ELOA: variants seen among roughly 807,000 people sequenced by gnomAD.
ELOA encodes elongin A.
A neutral mutation model predicts 85.2 loss-of-function variants in ELOA; 15 were observed. The ratio of observed to expected loss-of-function variants is 0.18; its 90% CI spans 0.12 to 0.27. ELOA has a LOEUF of 0.27. Ranked by LOEUF, ELOA falls within the 10% of genes least tolerant of loss-of-function variation. The pLI, the probability that ELOA is intolerant of heterozygous loss-of-function variation, is 1.00. For synonymous variants in ELOA, 348 were observed against 357.2 expected, an observed-to-expected ratio of 0.97 and a Z score of 0.29; for missense variants, 769 against 952.7, an observed-to-expected ratio of 0.81 and a Z score of 2.54.
chr1:23,756,689 A>G (rs1308658030), intron 9 of ELOA, among the ~76,000 whole-genome samples: 1 of 152,246 alleles, frequency 6.6e-6, no homozygotes, highest in Non-Finnish European at 1.5e-5. Flanking sequence ...CATTTCTGCA[A>G]TGATTGTTAT....
chr1:23,761,967 T>C lies in ELOA; in HGVS notation c.*2394T>C, dbSNP rs1006905037. On this transcript the variant is annotated 3_prime_UTR_variant, in exon 11 of 11. Transcript: ENST00000613537. Reference sequence around the variant, plus strand: ...CAAAATGTAAATACAATTTTCTATGTTACTTTTTTGTGGTAACTACCGAGA... The same window carrying C: ...CAAAATGTAAATACAATTTTCTATGCTACTTTTTTGTGGTAACTACCGAGA... 1.3e-5 allele frequency: 2 copies of C among 152,216 alleles called. No homozygotes were observed. Among genetic ancestry groups the C allele is most frequent in the African/African-American group, 2.4e-5 (1 of 41,452 alleles). The allele number at this position is 152,216 out of a possible 1,614,324, so 9.4% of individuals were successfully genotyped here. A position where few individuals can be genotyped will look rare whatever the true frequency, so the allele number is the denominator to read the frequency against.
chr1:23,755,257 T>C (rs1644788921), intron 7 of ELOA, among the ~76,000 whole-genome samples: 1 of 152,176 alleles, frequency 6.6e-6, no homozygotes, highest in African/African-American at 2.4e-5. Context: ...TTTGACTTGA[T>C]CGCAGTTCTA....
At chr1:23,756,863 A>G in intron 9 of ELOA, 90 bp from the exon 10 acceptor site, 1 of 1,310,702 alleles carries the variant, frequency 7.6e-7, no homozygotes. Context: ...AAACAGGGTG[A>G]GTCATCCTCA....
At position 23,758,259 on chromosome 1, in the gene ELOA, ATTTT is replaced by A. The variant is rs1162019928; in HGVS notation, c.2257+1162_2257+1165del. 5.8e-3 allele frequency among the ~76,000 whole-genome samples: 244 copies of A among 41,824 alleles called. 3 individuals carry two copies. The highest frequency in any genetic ancestry group is 0.02 in the African/African-American group (203 of 10,246). The allele number at this position is 41,824 out of a possible 152,430, so 27.4% of individuals were successfully genotyped here. On this transcript the variant is annotated intron_variant, in intron 10 of 10. Coordinates refer to ENST00000613537, the MANE Select transcript of ELOA (RefSeq NM_003198.3). ...ATTGGGTCTTCCAATTTATTTATTT[ATTTT>A]TTTTTTTTTTTTTTTTTTTTTTTTT...
intron 1 of ELOA, among the ~76,000 whole-genome samples, chr1:23,748,112 C>T (rs1162606002): frequency 1.3e-5 from 2 of 152,150 alleles, no homozygotes; most frequent in Admixed American, 6.6e-5. Context: ...AAGGGCAGAA[C>T]GCTGAAAGCT....
chr1:23,759,844 C>A lies in ELOA; in HGVS notation c.*271C>A. 2.2e-6 allele frequency: 1 copy of A among 452,376 alleles called. No individual in the cohort carries two copies. The highest frequency in any genetic ancestry group is 4.0e-6 in the Non-Finnish European group (1 of 250,936). The allele number at this position is 452,376 out of a possible 1,614,324, so 28.0% of individuals were successfully genotyped here. Reference sequence around the variant, plus strand: ...TTATACTTTTGTTGTTCATTAGCATCTTTGTAAACTATAAGACGTAGTTTT... The same window carrying A: ...TTATACTTTTGTTGTTCATTAGCATATTTGTAAACTATAAGACGTAGTTTT... On this transcript the variant is annotated 3_prime_UTR_variant, in exon 11 of 11. Transcript: ENST00000613537.
intron 10 of ELOA, among the ~76,000 whole-genome samples, chr1:23,757,510 A>G (rs1243241527): frequency 6.6e-6 from 1 of 151,990 alleles, no homozygotes; most frequent in Non-Finnish European, 1.5e-5. Context: ...AGGTGGGAGG[A>G]TTTTTTGAGA....
Position 23,754,219 on chromosome 1 carries a change from C to G in ELOA, c.1657C>G (p.Gln553Glu). 1 of 1,614,162 alleles carries G rather than the reference C, an allele frequency of 6.2e-7. No homozygotes were observed. Among genetic ancestry groups the G allele is most frequent in the Non-Finnish European group, 8.5e-7 (1 of 1,180,042 alleles). Residue 553 changes from glutamine to glutamate, a missense_variant, in exon 6 of 11, where the codon CAG (glutamine) becomes GAG (glutamate). By Grantham distance (29) the Gln-to-Glu change is conservative. Around this residue, in one of 4 missense-constraint regions of ELOA, gnomAD observed 193 missense variants for 278.9 expected, o/e 0.69. Transcript: ENST00000613537. ...TCTCCCTAAAATGATGACCTTGCACCAGCAATGCATCCGAGTACTTAAAAA... is the reference window on the plus strand; with the variant it reads ...TCTCCCTAAAATGATGACCTTGCACGAGCAATGCATCCGAGTACTTAAAAA... ...AYLPKMMTLH[Q>E]QCIRVLKNNI...
In ELOA at chr1:23,752,487, G is replaced by T. The variant is rs1644775974; in HGVS notation, c.1506G>T (p.Glu502Asp). ...QANYRPLPSL[E>D]LISSFQPKRK... ...ATTACCGTCCACTGCCTTCCCTCGA[G>T]CTGATATCCTCCTTCCAGCCAAAGC... is the stretch of plus-strand genomic sequence containing the variant. Residue 502 changes from glutamate to aspartate, a missense_variant, in exon 5 of 11, where the codon GAG becomes GAT. By Grantham distance (45) the Glu-to-Asp change is conservative. Coordinates refer to ENST00000613537, the MANE Select transcript of ELOA (RefSeq NM_003198.3). 3.1e-6 allele frequency: 5 copies of T among 1,613,940 alleles called. No homozygotes were observed. Among genetic ancestry groups the T allele is most frequent in the Non-Finnish European group, 4.2e-6 (5 of 1,179,962 alleles).
At chr1:23,759,372 C>G in intron 10 of ELOA, 140 bp from the exon 11 acceptor site, 1 of 774,380 alleles carries the variant, frequency 1.3e-6, no homozygotes, top group African/African-American at 1.7e-5. Flanking sequence ...GCATTGTGAA[C>G]AGAGGAGATA....
Position 23,743,475 on chromosome 1 carries a change from C to T in ELOA, c.-29C>T, listed in dbSNP as rs1399980559. ...CCGAGGACGCGACGCGAGCCCAGTT[C>T]CGGCGAGGAGGCCGCGCCAGTGACA... On this transcript the variant is annotated 5_prime_UTR_variant, in exon 1 of 11. Coordinates refer to ENST00000613537, the MANE Select transcript of ELOA (RefSeq NM_003198.3). 18 of 1,501,524 alleles carry T rather than the reference C, an allele frequency of 1.2e-5. No individual in the cohort carries two copies. The highest frequency in any genetic ancestry group is 2.1e-5 in the Admixed American group (1 of 47,222). 93.0% of individuals were successfully genotyped at this position (1,501,524 alleles called of 1,614,324 possible).
chr1:23,747,625 A>G (rs1644752750), intron 1 of ELOA, among the ~76,000 whole-genome samples: 1 of 152,236 alleles, frequency 6.6e-6, no homozygotes, highest in Non-Finnish European at 1.5e-5. Flanking sequence ...CTTTGCACCC[A>G]TAGCTTGGGT....
At chr1:23,744,069 G>C (rs1644735977) in intron 1 of ELOA, 1 of 152,958 alleles carries the variant, frequency 6.5e-6, no homozygotes. Flanking sequence ...TCTGGTCCGC[G>C]CCTCTCGGAG....
At chr1:23,752,315 G>C (rs576516092) in intron 4 of ELOA, 92 bp from the exon 5 acceptor site, 26 of 1,254,504 alleles carry the variant, frequency 2.1e-5, no homozygotes, top group Non-Finnish European at 2.8e-5. Flanking sequence ...TCCTGTGCAA[G>C]ATGTCCAGTT....
At chr1:23,758,289 T>TGGAGACAGAG in intron 10 of ELOA, among the ~76,000 whole-genome samples, 1 of 119,886 alleles carries the variant, frequency 8.3e-6, no homozygotes, top group African/African-American at 3.4e-5. Flanking sequence ...TTTTTTTTTT[T>TGGAGACAGAG]TGGAGACAGA....
intron 7 of ELOA, among the ~76,000 whole-genome samples, chr1:23,755,087 C>CT (rs1332553280): frequency 1.3e-5 from 2 of 152,018 alleles, no homozygotes; most frequent in African/African-American, 4.8e-5. Flanking sequence ...CCACAGCTGG[C>CT]TAATATTTTT....
At position 23,755,939 on chromosome 1, in the gene ELOA, T is replaced by C; in HGVS notation, c.1888T>C (p.Tyr630His). The change falls in exon 8 of 11, where the codon TAC (tyrosine) becomes CAC (histidine). Residue 630 changes from tyrosine (Y) to histidine (H), a missense_variant. By Grantham distance (83) the Tyr-to-His change is moderately conservative. This residue lies in a region of ELOA where 20 missense variants were observed against 58.8 expected (regional missense o/e 0.34). Coordinates refer to ENST00000613537, the MANE Select transcript of ELOA (RefSeq NM_003198.3). ...PEEYESWREM[Y>H]LRLQDAREQR... ...AGAGTATGAGTCGTGGCGAGAGATG[T>C]ACCTGCGGCTTCAGGACGCCCGAGA... The C allele has an allele frequency of 6.2e-7, 1 of 1,613,348 alleles. No homozygotes were observed. The highest frequency in any genetic ancestry group is 8.5e-7 in the Non-Finnish European group (1 of 1,179,950).
intron 9 of ELOA, 87 bp from the exon 10 acceptor site, chr1:23,756,866 C>A: frequency 3.0e-6 from 4 of 1,330,898 alleles, no homozygotes; most frequent in South Asian, 4.0e-5. Flanking sequence ...CAGGGTGAGT[C>A]ATCCTCACAC....
chr1:23,757,757 C>T (rs1644801805), intron 10 of ELOA, among the ~76,000 whole-genome samples: 1 of 151,772 alleles, frequency 6.6e-6, no homozygotes, highest in Non-Finnish European at 1.5e-5. Context: ...CCTTGGCCTC[C>T]CAAGTGCTGG....
Sources: allele counts gnomAD v4.1 joint callset (sites outside exome capture counted in the v4.1 genomes callset), GRCh38; gene constraint gnomAD v4.1.1; regional missense constraint gnomAD v4.1.1; transcripts MANE v1.5; gene names NCBI Gene and HGNC (gene_info 2026-07-23, HGNC 2026-07-21).